Variants in C4orf36 observed in about 807,000 individuals in gnomAD.
The protein encoded by C4orf36 is uncharacterized protein C4orf36.
A neutral mutation model predicts 12.2 loss-of-function variants in C4orf36; 11 were observed. That is an observed-to-expected ratio of 0.90 (90% CI 0.57 to 1.49). The LOEUF is 1.49. C4orf36 is among the 40% of genes most tolerant of loss of function. The pLI is 0.00. For missense variants in C4orf36, 137 were observed against 133.9 expected, an observed-to-expected ratio of 1.02 and a Z score of -0.11; for synonymous variants, 54 against 51.3, an observed-to-expected ratio of 1.05 and a Z score of -0.22.
chr4:86,891,316 AG>A, intron 2 of C4orf36, 139 bp downstream of exon 2: 21 of 601,440 alleles, frequency 3.5e-5, no homozygotes, highest in South Asian at 9.3e-5. Context: ...AAAAAAAATC[AG>A]ATCCCAGACA....
upstream of C4orf36, among the ~76,000 whole-genome samples, chr4:86,895,963 T>C (rs368424430): frequency 2.6e-5 from 4 of 152,350 alleles, no homozygotes; most frequent in South Asian, 6.2e-4. Context: ...CAAGAAGGAA[T>C]GCAAAAGATC....
intron 4 of C4orf36, 30 bp downstream of exon 4, chr4:86,887,728 C>T: frequency 6.2e-7 from 1 of 1,613,590 alleles, no homozygotes; most frequent in Non-Finnish European, 8.5e-7. Flanking sequence ...GGATGCAAGA[C>T]ACAGAGTACA....
the C4orf36 span, among the ~76,000 whole-genome samples, chr4:86,919,723 A>C: frequency 6.6e-6 from 1 of 152,236 alleles, no homozygotes; most frequent in Middle Eastern, 3.4e-3. Flanking sequence ...CAGATCCTAA[A>C]AATATTTTTC....
chr4:86,911,628 G>A, the C4orf36 span, among the ~76,000 whole-genome samples: 2 of 152,152 alleles, frequency 1.3e-5, no homozygotes, highest in South Asian at 2.1e-4. Flanking sequence ...AGAATACTGA[G>A]TGCTCACAAC....
chr4:86,883,058 C>T (rs1045272651), intron 4 of C4orf36, among the ~76,000 whole-genome samples: 1 of 152,176 alleles, frequency 6.6e-6, no homozygotes, highest in Non-Finnish European at 1.5e-5. Flanking sequence ...CTTATACCCA[C>T]AATTAATGCC....
At chr4:86,914,822 T>A in the C4orf36 span, 6 of 454,430 alleles carry the variant, frequency 1.3e-5, no homozygotes, top group Middle Eastern at 7.4e-4. Context: ...GACATTATTC[T>A]TAGTGTTTTC....
the C4orf36 span, among the ~76,000 whole-genome samples, chr4:86,919,315 CTTTTTTTTTTTTTTT>C: frequency 7.0e-3 from 570 of 81,434 alleles, 2 homozygotes; most frequent in Non-Finnish European, 0.01. Context: ...TTTTTTCCCC[CTTTTTTTTTTTTTTT>C]TTTTTTTTTT....
chr4:86,910,954 G>C, the C4orf36 span, among the ~76,000 whole-genome samples: 1 of 152,022 alleles, frequency 6.6e-6, no homozygotes, highest in African/African-American at 2.4e-5. Flanking sequence ...GTGGTGGCTT[G>C]CACCTGTAGT....
the C4orf36 span, among the ~76,000 whole-genome samples, chr4:86,933,848 T>C: frequency 2.6e-5 from 4 of 152,190 alleles, no homozygotes; most frequent in African/African-American, 9.7e-5. Flanking sequence ...CTTAATTATT[T>C]TAGCTGTCTA....
At chr4:86,927,358 TG>T in the C4orf36 span, among the ~76,000 whole-genome samples, 1 of 152,136 alleles carries the variant, frequency 6.6e-6, no homozygotes, top group Non-Finnish European at 1.5e-5. Flanking sequence ...TTTTTGTTTT[TG>T]TTTTTATTAC....
Position 86,887,815 on chromosome 4 carries a change from T to C in C4orf36, c.299A>G (p.Gln100Arg). 1 of 1,614,228 alleles carries C rather than the reference T, an allele frequency of 6.2e-7. No individual in the cohort carries two copies. The highest frequency in any genetic ancestry group is 8.5e-7 in the Non-Finnish European group (1 of 1,180,034). ...KCQENTSKEI[Q>R]LLLRERPAGL... ...GGCTGGCCTTTCCCTCAGGAGAAGCTGAATTTCCTTAGATGTATTTTCTTG... is the reference window on the plus strand; with the variant it reads ...GGCTGGCCTTTCCCTCAGGAGAAGCCGAATTTCCTTAGATGTATTTTCTTG... Residue 100 changes from glutamine (Q) to arginine (R), a missense_variant, in exon 4 of 5, where the codon CAG (glutamine) becomes CGG (arginine). By Grantham distance (43) the Gln-to-Arg change is conservative. Coordinates refer to ENST00000295898, the MANE Select transcript of C4orf36 (RefSeq NM_144645.4).
the C4orf36 span, chr4:86,914,030 G>T: frequency 6.2e-7 from 1 of 1,609,268 alleles, no homozygotes. Flanking sequence ...CCAGCAAAAC[G>T]TCGTTGGGAT....
the C4orf36 span, among the ~76,000 whole-genome samples, chr4:86,930,866 A>G: frequency 2.0e-5 from 3 of 152,222 alleles, no homozygotes; most frequent in Non-Finnish European, 4.4e-5. Flanking sequence ...TTTAATTATA[A>G]TAATTGTGCA....
the C4orf36 span, among the ~76,000 whole-genome samples, chr4:86,904,881 G>C: frequency 2.0e-5 from 3 of 152,066 alleles, no homozygotes; most frequent in African/African-American, 4.8e-5. Context: ...AAATTCATTC[G>C]TTGAAGCCCT....
the C4orf36 span, among the ~76,000 whole-genome samples, chr4:86,906,373 C>A: frequency 6.6e-6 from 1 of 152,062 alleles, no homozygotes; most frequent in African/African-American, 2.4e-5. Context: ...CGTTAAAATG[C>A]ATATTACCAG....
chr4:86,876,712 A>C (rs982114526), intron 4 of C4orf36: 186 of 1,570,918 alleles, frequency 1.2e-4, no homozygotes, highest in Non-Finnish European at 2.1e-5. Context: ...GATCTTTACT[A>C]TTCAGAATTT....
At chr4:86,884,743 C>T (rs573416383) in intron 4 of C4orf36, among the ~76,000 whole-genome samples, 98 of 152,128 alleles carry the variant, frequency 6.4e-4, no homozygotes, top group African/African-American at 2.1e-3. Flanking sequence ...TTGTTGCCAT[C>T]GCTTTTGGTG....
chr4:86,936,002 A>G, the C4orf36 span: 1 of 152,104 alleles, frequency 6.6e-6, no homozygotes, highest in African/African-American at 2.4e-5. Context: ...GTGTAATGGT[A>G]GTTGCATTAA....
chr4:86,914,239 C>T, the C4orf36 span: 1 of 1,601,468 alleles, frequency 6.2e-7, no homozygotes, highest in Non-Finnish European at 8.6e-7. Flanking sequence ...GGCTTACAGA[C>T]ACCATCTTTC....
Sources: gnomAD v4.1 joint callset for allele counts (sites outside exome capture counted in the v4.1 genomes callset) on GRCh38, gnomAD v4.1.1 for gene constraint, MANE v1.5 for transcripts, NCBI Gene and HGNC (gene_info 2026-07-23, HGNC 2026-07-21) for gene names.